DCST2: variants seen among roughly 807,000 people sequenced by gnomAD.
DCST2 encodes the protein DC-STAMP domain-containing protein 2.
DCST2 carries 64 observed loss-of-function variants against 81.8 expected under a neutral mutation model. The observed-to-expected ratio is 0.78, with a 90% CI of 0.64 to 0.96. DCST2 has a LOEUF of 0.96. DCST2 is among the 40% of genes least tolerant of loss of function. DCST2 has a pLI of 0.00. For synonymous variants in DCST2, 354 were observed against 402.6 expected (o/e 0.88, Z 1.44); for missense variants, 945 against 1,001.4 (o/e 0.94, Z 0.76).
intron 5 of DCST2, 136 bp downstream of exon 5, chr1:155,031,033 T>C: frequency 1.1e-6 from 1 of 926,080 alleles, no homozygotes; most frequent in Non-Finnish European, 1.6e-6. Context: ...TGGGCCTGGG[T>C]GATCACTTGA....
intron 7 of DCST2, among the ~76,000 whole-genome samples, chr1:155,029,696 C>A (rs996061668): frequency 1.3e-5 from 2 of 152,142 alleles, no homozygotes; most frequent in Non-Finnish European, 2.9e-5. Flanking sequence ...GCCTCCCCAC[C>A]TCACAGGCAG....
chr1:155,024,570 C>G lies in DCST2; in HGVS notation c.1644G>C (p.Leu548=). ...ERISYLYNVL[L]SRRTNLLAAL... is the part of the protein sequence containing the mutation. ...CAGCCAACAGATTGGTTCGGCGGCTCAGAAGTACATTGTACAGGTAGGAGA... is the reference window on the plus strand; with the variant it reads ...CAGCCAACAGATTGGTTCGGCGGCTGAGAAGTACATTGTACAGGTAGGAGA... Residue 548 remains leucine (L), a synonymous_variant, in exon 11 of 15, where the codon CTG becomes CTC. Transcript: ENST00000368424. 1.2e-6 allele frequency: 2 copies of G among 1,609,330 alleles called. No individual in the cohort carries two copies. Among genetic ancestry groups the G allele is most frequent in the Non-Finnish European group, 1.7e-6 (2 of 1,177,778 alleles).
intron 3 of DCST2, 64 bp downstream of exon 3, chr1:155,032,603 C>T (rs1357570781): frequency 7.0e-7 from 1 of 1,418,632 alleles, no homozygotes; most frequent in Admixed American, 1.7e-5. Context: ...AGGCATGAGC[C>T]ACCGCACCCG....
intron 5 of DCST2, chr1:155,030,912 G>T: frequency 1.7e-6 from 1 of 605,522 alleles, no homozygotes; most frequent in Non-Finnish European, 2.9e-6. Flanking sequence ...GTGTGGACCT[G>T]AATGTGGACA....
At chr1:155,022,967 G>T in intron 14 of DCST2, 150 bp downstream of exon 14, 1 of 1,268,382 alleles carries the variant, frequency 7.9e-7, no homozygotes, top group Non-Finnish European at 1.1e-6. Flanking sequence ...ACACAGAGCA[G>T]CCGCTTGGCA....
rs745459696 is a variant in DCST2 at position 155,026,343 on chromosome 1, G to A, written c.1570C>T (p.Arg524Trp). The change falls in exon 10 of 15, where the codon CGG (arginine) becomes TGG (tryptophan). Residue 524 changes from arginine (R) to tryptophan (W), a missense_variant. Transcript: ENST00000368424. ...TAGTAGGAGGCACAGATGACTCGCC[G>A]CAGCCGGCTGACATAGCTGCCAAAC... ...TLFGSYVSRL[R>W]RVICASYYPS... 3.1e-6 allele frequency: 5 copies of A among 1,613,690 alleles called. No individual in the cohort carries two copies. Among genetic ancestry groups the A allele is most frequent in the African/African-American group, 2.7e-5 (2 of 74,922 alleles).
At chr1:155,023,044 A>G (rs1659794718) in intron 14 of DCST2, 73 bp downstream of exon 14, 5 of 1,549,388 alleles carry the variant, frequency 3.2e-6, no homozygotes, top group East Asian at 4.5e-5. Flanking sequence ...ACACCCAGGA[A>G]GGCCTTTGCA....
chr1:155,024,716 T>C (rs1659852197), intron 10 of DCST2, 114 bp from the exon 11 acceptor site: 4 of 1,237,602 alleles, frequency 3.2e-6, no homozygotes, highest in Non-Finnish European at 4.2e-6. Flanking sequence ...TGAATCCCTC[T>C]AGGTTTGGCT....
chr1:155,026,730 C>G lies in DCST2; in HGVS notation c.1343-15G>C, dbSNP rs762751115. 2.0e-5 allele frequency: 33 copies of G among 1,613,920 alleles called. No individual in the cohort carries two copies. The East Asian group carries it at 6.9e-4, about 34-fold the overall frequency. On this transcript the variant is annotated splice_polypyrimidine_tract_variant and intron_variant, in intron 8 of 14. Transcript: ENST00000368424. Reference sequence around the variant, plus strand: ...CAACACAGGACCTGGCACAAAGACACTGTGTGAGTGACACTCATGGCAGTT... The same window carrying G: ...CAACACAGGACCTGGCACAAAGACAGTGTGTGAGTGACACTCATGGCAGTT...
chr1:155,029,306 G>T lies in DCST2; in HGVS notation c.1269C>A (p.Val423=), dbSNP rs1268668088. The change falls in exon 8 of 15, where the codon GTC becomes GTA. Residue 423 remains valine (V), a synonymous_variant. Coordinates refer to ENST00000368424, the MANE Select transcript of DCST2 (RefSeq NM_144622.3). ...CCCAGAAGACAGCATAGTCTAGGAA[G>T]ACTAGGAACAGCACGAGGAGGAGGT... ...IRHLLLVLFL[V]FLDYAVFWVL... 1 of 1,614,156 alleles carries T rather than the reference G, an allele frequency of 6.2e-7. No individual in the cohort carries two copies. Among genetic ancestry groups the T allele is most frequent in the Non-Finnish European group, 8.5e-7 (1 of 1,180,020 alleles).
rs1389211875 is a variant in DCST2 at position 155,031,765 on chromosome 1, G to C, written c.548C>G (p.Ala183Gly). The C allele has an allele frequency of 6.2e-7, 1 of 1,613,828 alleles. No individual in the cohort carries two copies. Among genetic ancestry groups the C allele is most frequent in the Admixed American group, 1.7e-5 (1 of 60,024 alleles). ...IMDGVKHIAR[A>G]LRNVWQWLLH... is the part of the protein sequence containing the mutation. ...GAGCCACTGCCACACATTCCGGAGA[G>C]CCCTGGCTGGGGACAGCTGCAGGGT... is the stretch of plus-strand genomic sequence containing the variant. The change falls in exon 4 of 15, where the codon GCT (alanine) becomes GGT (glycine). Residue 183 changes from alanine to glycine, a missense_variant. Ala to Gly is a moderately conservative substitution (Grantham distance 60). Coordinates refer to ENST00000368424, the MANE Select transcript of DCST2 (RefSeq NM_144622.3).
intron 7 of DCST2, among the ~76,000 whole-genome samples, chr1:155,029,874 C>G (rs527245320): frequency 1.5e-4 from 23 of 152,342 alleles, no homozygotes; most frequent in Admixed American, 1.3e-3. Flanking sequence ...TCTATGTTCC[C>G]CCTTTCAGAC....
Position 155,033,675 on chromosome 1 carries a change from C to T in DCST2, c.27G>A (p.Val9=). 1 of 1,614,052 alleles carries T rather than the reference C, an allele frequency of 6.2e-7. No individual in the cohort carries two copies. The highest frequency in any genetic ancestry group is 1.1e-5 in the South Asian group (1 of 91,080). The change falls in exon 1 of 15, where the codon GTG becomes GTA. Residue 9 remains valine (V), a synonymous_variant. Transcript: ENST00000368424. The part of the protein sequence containing the change: MPKVMKDV[V]HPLGGEEPSM... ...TAGGCTCCTCTCCCCCCAAGGGGTG[C>T]ACAACATCCTTCATGACTTTGGGCA...
rs1272067078 is a variant in DCST2 at position 155,031,166 on chromosome 1, C to CA, written c.805+2dup. ...CCATATGTGGCAGGAGGGGGTCACT[C>CA]ACGGGTGCCGATGGTCTGGCGCAAG... On this transcript the variant is annotated splice_region_variant and intron_variant, in intron 5 of 14. Coordinates refer to ENST00000368424, the MANE Select transcript of DCST2 (RefSeq NM_144622.3). 1 of 1,589,028 alleles carries CA rather than the reference C, an allele frequency of 6.3e-7. No homozygotes were observed. Among genetic ancestry groups the CA allele is most frequent in the Non-Finnish European group, 8.5e-7 (1 of 1,171,080 alleles).
intron 11 of DCST2, 93 bp from the exon 12 acceptor site, chr1:155,024,052 C>G: frequency 6.7e-7 from 1 of 1,489,092 alleles, no homozygotes; most frequent in African/African-American, 1.4e-5. Flanking sequence ...GGGAGGACTT[C>G]CTGACTTCCT....
chr1:155,031,138 G>C (rs1433045733), intron 5 of DCST2, 31 bp downstream of exon 5: 2 of 1,579,212 alleles, frequency 1.3e-6, no homozygotes, highest in Non-Finnish European at 1.7e-6. Flanking sequence ...CCACTAGGGA[G>C]CACCATATGT....
In DCST2 at chr1:155,030,240, C is replaced by T. The variant is rs1660032617; in HGVS notation, c.1021G>A (p.Ala341Thr). 7 of 1,613,964 alleles carry T rather than the reference C, an allele frequency of 4.3e-6. No homozygotes were observed. The South Asian group carries it at 6.6e-5, about 15-fold the overall frequency. Residue 341 changes from alanine to threonine, a missense_variant and splice_region_variant, in exon 7 of 15, where the codon GCC becomes ACC. Ala to Thr is a moderately conservative substitution (Grantham distance 58). Transcript: ENST00000368424. Reference protein sequence around the residue: ...PLLLVLLYLQALFYRYCYLNW... With the variant: ...PLLLVLLYLQTLFYRYCYLNW... Reference sequence around the variant, plus strand: ...AGGTAACAATACCGGTAAAATAGGGCTCTGGGAAGGGGAGGTGGAGCACAT... The same window carrying T: ...AGGTAACAATACCGGTAAAATAGGGTTCTGGGAAGGGGAGGTGGAGCACAT...
chr1:155,031,895 G>T, intron 3 of DCST2, 124 bp from the exon 4 acceptor site: 1 of 1,033,880 alleles, frequency 9.7e-7, no homozygotes, highest in Non-Finnish European at 1.4e-6. Context: ...TGGCTGTGCT[G>T]TGTCCAGTGA....
chr1:155,024,649 T>C, intron 10 of DCST2, 47 bp from the exon 11 acceptor site: 1 of 1,538,412 alleles, frequency 6.5e-7, no homozygotes. Context: ...CCCTGTTTTG[T>C]CTGCCTGGAA....
Sources: gnomAD v4.1 joint callset for allele counts (sites outside exome capture counted in the v4.1 genomes callset) on GRCh38, gnomAD v4.1.1 for gene constraint, MANE v1.5 for transcripts, NCBI Gene and HGNC (gene_info 2026-07-23, HGNC 2026-07-21) for gene names.